The following NIBAN1 variants were observed in gnomAD, a reference collection of about 807,000 sequenced individuals.
The protein encoded by NIBAN1 is niban apoptosis regulator 1.
In NIBAN1, 81 loss-of-function variants were observed where a neutral mutation model predicts 75.1. The observed-to-expected ratio is 1.08, with a 90% CI of 0.90 to 1.30. The LOEUF (loss-of-function observed/expected upper bound fraction) is 1.30. Ranked by LOEUF, NIBAN1 falls within the 50% of genes most tolerant of loss-of-function variation. The pLI is 0.00. For missense variants in NIBAN1, 1,133 were observed against 1,128.1 expected (o/e 1.00, Z -0.06); for synonymous variants, 436 against 424.8 (o/e 1.03, Z -0.32).
chr1:184,900,751 A>C (rs1395490134), intron 1 of NIBAN1, among the ~76,000 whole-genome samples: 1 of 152,210 alleles, frequency 6.6e-6, no homozygotes. Context: ...CAACATTTCA[A>C]CTACTTGCTG....
intron 5 of NIBAN1, among the ~76,000 whole-genome samples, chr1:184,837,220 G>A (rs1366576675): frequency 6.6e-6 from 1 of 152,238 alleles, no homozygotes; most frequent in East Asian, 1.9e-4. Flanking sequence ...TGAGAGTTTC[G>A]TTCTGTGGCC....
At chr1:184,937,304 G>C (rs1657988386) in intron 1 of NIBAN1, among the ~76,000 whole-genome samples, 2 of 151,816 alleles carry the variant, frequency 1.3e-5, no homozygotes, top group African/African-American at 2.4e-5. Context: ...TGGGACTATA[G>C]GTGTGTGCCA....
intron 12 of NIBAN1, among the ~76,000 whole-genome samples, chr1:184,801,510 C>T (rs968673910): frequency 1.3e-5 from 2 of 152,224 alleles, no homozygotes; most frequent in Non-Finnish European, 2.9e-5. Flanking sequence ...ACCCTTTCAT[C>T]CTTCCCACGT....
chr1:184,946,613 T>C (rs1157294024), intron 1 of NIBAN1, among the ~76,000 whole-genome samples: 1 of 152,218 alleles, frequency 6.6e-6, no homozygotes, highest in Admixed American at 6.5e-5. Context: ...TCATAAATAG[T>C]AACTGTTTCT....
At chr1:184,934,919 A>T (rs1175955622) in intron 1 of NIBAN1, among the ~76,000 whole-genome samples, 1 of 151,926 alleles carries the variant, frequency 6.6e-6, no homozygotes, top group Admixed American at 6.6e-5. Flanking sequence ...AATAAATAAA[A>T]ATTAGCCGGG....
intron 1 of NIBAN1, among the ~76,000 whole-genome samples, chr1:184,924,046 C>T (rs1657625148): frequency 6.6e-6 from 1 of 150,814 alleles, no homozygotes; most frequent in Non-Finnish European, 1.5e-5. Flanking sequence ...GTCTTCCTTT[C>T]CAGTTTAGGT....
In NIBAN1 at chr1:184,792,739, C is replaced by T. The variant is rs896837968; in HGVS notation, c.*2238G>A. 3.3e-5 allele frequency: 5 copies of T among 152,738 alleles called. No individual in the cohort carries two copies. The East Asian group carries it at 7.7e-4, about 24-fold the overall frequency. The allele number at this position is 152,738 out of a possible 1,614,324, so 9.5% of individuals were successfully genotyped here. The stretch of plus-strand genomic sequence containing the variant: ...CTGGGTGTCCAGTTCCCACATTTCC[C>T]GAGCAGCCTGACGCATGCCAGGTCC... On this transcript the variant is annotated 3_prime_UTR_variant, in exon 14 of 14. Coordinates refer to ENST00000367511, the MANE Select transcript of NIBAN1 (RefSeq NM_052966.4).
chr1:184,895,726 T>C (rs2101984009), intron 2 of NIBAN1, among the ~76,000 whole-genome samples: 1 of 152,272 alleles, frequency 6.6e-6, no homozygotes, highest in African/African-American at 2.4e-5. Context: ...TTCCCCACTT[T>C]TGGAGTCTCC....
At chr1:184,803,890 C>T (rs915515552) in intron 11 of NIBAN1, among the ~76,000 whole-genome samples, 198 bp from the exon 12 acceptor site, 1 of 152,204 alleles carries the variant, frequency 6.6e-6, no homozygotes, top group Admixed American at 6.5e-5. Flanking sequence ...TGACCCATCT[C>T]ACTCTTACCT....
At chr1:184,869,341 G>A (rs1236298911) in intron 5 of NIBAN1, among the ~76,000 whole-genome samples, 1 of 152,140 alleles carries the variant, frequency 6.6e-6, no homozygotes, top group African/African-American at 2.4e-5. Context: ...TATAAAAAGC[G>A]AAAGGGTCAC....
chr1:184,922,288 A>G (rs2102020083), intron 1 of NIBAN1, among the ~76,000 whole-genome samples: 1 of 152,196 alleles, frequency 6.6e-6, no homozygotes, highest in African/African-American at 2.4e-5. Flanking sequence ...ATGTACAATA[A>G]ATTATTGTTG....
At chr1:184,911,485 A>AC (rs548303687) in intron 1 of NIBAN1, among the ~76,000 whole-genome samples, 155 of 152,244 alleles carry the variant, frequency 1.0e-3, no homozygotes, top group African/African-American at 2.6e-3. Context: ...TTATATGAGT[A>AC]CCCCCTCCCT....
intron 5 of NIBAN1, among the ~76,000 whole-genome samples, chr1:184,869,392 T>C (rs1451967523): frequency 6.6e-6 from 1 of 152,204 alleles, no homozygotes; most frequent in Non-Finnish European, 1.5e-5. Context: ...GTATCTCAGT[T>C]GTGCTTGCTA....
chr1:184,908,933 G>C (rs1381726776), intron 1 of NIBAN1, among the ~76,000 whole-genome samples: 1 of 152,132 alleles, frequency 6.6e-6, no homozygotes, highest in African/African-American at 2.4e-5. Flanking sequence ...GAGCATCACA[G>C]GAACTATGAA....
At chr1:184,908,891 G>T (rs1161296293) in intron 1 of NIBAN1, among the ~76,000 whole-genome samples, 1 of 152,066 alleles carries the variant, frequency 6.6e-6, no homozygotes, top group Non-Finnish European at 1.5e-5. Flanking sequence ...GTGTGAAAAA[G>T]AAAATTAATC....
At chr1:184,841,568 T>C (rs74316760) in intron 5 of NIBAN1, among the ~76,000 whole-genome samples, 3 of 152,332 alleles carry the variant, frequency 2.0e-5, no homozygotes, top group East Asian at 3.9e-4. Context: ...AGGAAAAACC[T>C]AGAAGAAAGA....
At chr1:184,928,174 A>C (rs2102028099) in intron 1 of NIBAN1, among the ~76,000 whole-genome samples, 1 of 152,294 alleles carries the variant, frequency 6.6e-6, no homozygotes, top group East Asian at 1.9e-4. Flanking sequence ...TGGGGGCCTC[A>C]GGACTTTGCC....
chr1:184,838,016 T>C (rs1422018111), intron 5 of NIBAN1, among the ~76,000 whole-genome samples: 1 of 152,222 alleles, frequency 6.6e-6, no homozygotes, highest in East Asian at 1.9e-4. Flanking sequence ...GACTAGGTAT[T>C]GTCCGACTGG....
At chr1:184,839,563 G>T (rs1415332498) in intron 5 of NIBAN1, among the ~76,000 whole-genome samples, 1 of 150,440 alleles carries the variant, frequency 6.6e-6, no homozygotes, top group Non-Finnish European at 1.5e-5. Context: ...GTGTGTGTGT[G>T]TGCACGCGCG....
Sources: gnomAD v4.1 joint callset for allele counts (sites outside exome capture counted in the v4.1 genomes callset) on GRCh38, gnomAD v4.1.1 for gene constraint, MANE v1.5 for transcripts, NCBI Gene and HGNC (gene_info 2026-07-23, HGNC 2026-07-21) for gene names.